ITGA7: variants seen among roughly 807,000 people sequenced by gnomAD.
ITGA7 encodes integrin subunit alpha 7.
ITGA7 carries 84 observed loss-of-function variants against 131.6 expected under a neutral mutation model. That is an observed-to-expected ratio of 0.64 (90% CI 0.54 to 0.77). The LOEUF is 0.77. Among genes scored for constraint, ITGA7 ranks in the 30% least tolerant of loss-of-function variants. The probability of loss-of-function intolerance (pLI) is 0.00; values close to 1 mark genes in which losing one functional copy is unlikely to be tolerated. For synonymous variants in ITGA7, 548 were observed against 600.7 expected (o/e 0.91, Z 1.28); for missense variants, 1,399 against 1,482.9 (o/e 0.94, Z 0.93).
At chr12:55,706,517 GAGAAAAGCCCCCT>G (rs1030516235) in intron 1 of ITGA7, among the ~76,000 whole-genome samples, 3 of 152,150 alleles carry the variant, frequency 2.0e-5, no homozygotes, top group Non-Finnish European at 4.4e-5. Context: ...TGGTTGAAGA[GAGAAAAGCCCCCT>G]AGCAGGAGCA....
At chr12:55,703,779 C>T (rs1332869620) in intron 1 of ITGA7, among the ~76,000 whole-genome samples, 1 of 152,192 alleles carries the variant, frequency 6.6e-6, no homozygotes, top group Non-Finnish European at 1.5e-5. Context: ...CCATCAGTCA[C>T]TCTGGCTGGC....
Position 55,688,288 on chromosome 12 carries a change from C to T in ITGA7, c.2971G>A (p.Val991Met), listed in dbSNP as rs1268555212. ...NSTFLEEYSA[V>M]KSLEVIVRAN... ...CGGACAATCACTTCCAGGGACTTCA[C>T]AGCTGAGTACTCCTAAGGGAACAGG... The change falls in exon 23 of 25, where the codon GTG becomes ATG. Residue 991 changes from valine (V) to methionine (M), a missense_variant. Physicochemically the swap from Val to Met is conservative, Grantham distance 21. Transcript: ENST00000257879. 6.2e-7 allele frequency: 1 copy of T among 1,613,492 alleles called. No homozygotes were observed. The highest frequency in any genetic ancestry group is 2.2e-5 in the East Asian group (1 of 44,876).
At chr12:55,696,027 C>T (rs1872556839) in intron 13 of ITGA7, among the ~76,000 whole-genome samples, 1 of 152,174 alleles carries the variant, frequency 6.6e-6, no homozygotes, top group African/African-American at 2.4e-5. Context: ...ATGAATGTGA[C>T]TTCAAGAGCT....
At chr12:55,689,777 T>G (rs1479120789) in intron 21 of ITGA7, among the ~76,000 whole-genome samples, 2 of 152,206 alleles carry the variant, frequency 1.3e-5, no homozygotes, top group African/African-American at 2.4e-5. Context: ...AACAGAGATA[T>G]AGATCAATGG....
intron 20 of ITGA7, 64 bp from the exon 21 acceptor site, chr12:55,693,039 T>A: frequency 6.2e-7 from 1 of 1,613,016 alleles, no homozygotes. Context: ...AGATCGAATC[T>A]CCTCCCCACC....
intron 22 of ITGA7, 126 bp downstream of exon 22, chr12:55,688,718 G>A (rs1191619563): frequency 4.5e-5 from 30 of 663,566 alleles, no homozygotes; most frequent in East Asian, 4.3e-4. Context: ...GGAAGACTCC[G>A]TCTCAAAAAA....
intron 14 of ITGA7, 29 bp downstream of exon 14, chr12:55,695,492 CA>C: frequency 2.5e-6 from 3 of 1,203,246 alleles, no homozygotes; most frequent in South Asian, 1.2e-5. Context: ...CTTGCCCTCC[CA>C]CCCCCACCCT....
intron 13 of ITGA7, 63 bp downstream of exon 13, chr12:55,696,220 G>C: frequency 6.6e-7 from 1 of 1,511,332 alleles, no homozygotes. Flanking sequence ...TGTCACTGGG[G>C]AGGGACCATG....
In ITGA7 at chr12:55,707,541, G is replaced by C; in HGVS notation, c.142C>G (p.Pro48Ala). Residue 48 changes from proline (P) to alanine (A), a missense_variant, in exon 1 of 25, where the codon CCA becomes GCA. Coordinates refer to ENST00000257879, the MANE Select transcript of ITGA7 (RefSeq NM_002206.3). ...ACAGAGAAGCCGAAGAGGCTGCCTG[G>C]CTCGCCCTCCTTGCGCAAGGCACCC... The part of the protein sequence containing the change: ...VMGALRKEGE[P>A]GSLFGFSVAL... 1 of 1,613,972 alleles carries C rather than the reference G, an allele frequency of 6.2e-7. No homozygotes were observed. Among genetic ancestry groups the C allele is most frequent in the Non-Finnish European group, 8.5e-7 (1 of 1,179,950 alleles).
intron 3 of ITGA7, among the ~76,000 whole-genome samples, chr12:55,701,860 C>T (rs761363274): frequency 6.6e-5 from 10 of 152,216 alleles, no homozygotes; most frequent in Non-Finnish European, 1.3e-4. Context: ...TCTCTCTACT[C>T]CTCCTTTGGA....
At position 55,699,900 on chromosome 12, in the gene ITGA7, C is replaced by T. The variant is rs778001361; in HGVS notation, c.760G>A (p.Ala254Thr). Residue 254 changes from alanine (A) to threonine (T), a missense_variant, in exon 5 of 25, where the codon GCC (alanine) becomes ACC (threonine). Ala to Thr is a moderately conservative substitution (Grantham distance 58). Coordinates refer to ENST00000257879, the MANE Select transcript of ITGA7 (RefSeq NM_002206.3). ...TAGCTATTGAGGGCCAAGTCTCCGG[C>T]TGGTCCTGGGAGCCGGTCAGCAGGG... is the stretch of plus-strand genomic sequence containing the variant. ...LDPADRLPGP[A>T]GDLALNSYLG... 3.7e-6 allele frequency: 6 copies of T among 1,612,608 alleles called. No individual in the cohort carries two copies. The South Asian group carries it at 6.6e-5, about 18-fold the overall frequency.
intron 24 of ITGA7, chr12:55,686,063 C>G: frequency 2.4e-6 from 1 of 408,866 alleles, no homozygotes; most frequent in Non-Finnish European, 4.6e-6. Context: ...TTCTAATTAC[C>G]TCTCACCTCA....
upstream of ITGA7, among the ~76,000 whole-genome samples, chr12:55,712,662 T>C (rs965974450): frequency 6.6e-6 from 1 of 152,174 alleles, no homozygotes; most frequent in Non-Finnish European, 1.5e-5. Flanking sequence ...CAGATAGATA[T>C]GTATGCGACT....
chr12:55,685,660 T>C (rs1036436474), intron 24 of ITGA7, among the ~76,000 whole-genome samples: 1 of 152,114 alleles, frequency 6.6e-6, no homozygotes, highest in Non-Finnish European at 1.5e-5. Context: ...AGGAAGAAAA[T>C]GGCTTCCTAG....
chr12:55,694,956 G>T lies in ITGA7; in HGVS notation c.2018C>A (p.Thr673Lys). 3 of 1,613,456 alleles carry T rather than the reference G, an allele frequency of 1.9e-6. No individual in the cohort carries two copies. The South Asian group carries it at 3.3e-5, about 18-fold the overall frequency. ...FQPLPMDVDG[T>K]TALFALSGQP... ...CCCACTCAGTGCAAACAGGGCTGTT[G>T]TTCCATCCACATCCCTGGAGAGTCA... The change falls in exon 15 of 25, where the codon ACA becomes AAA. Residue 673 changes from threonine (T) to lysine (K), a missense_variant. Physicochemically the swap from Thr to Lys is moderately conservative, Grantham distance 78. Coordinates refer to ENST00000257879, the MANE Select transcript of ITGA7 (RefSeq NM_002206.3). This position sits in a 1 kb window ranked among gnomAD's most constrained non-coding sequence, Gnocchi z 5.3.
In ITGA7 at chr12:55,703,169, C is replaced by T. The variant is rs760395974; in HGVS notation, c.216G>A (p.Val72=). ...LQPRPQSWLL[V]GAPQALALPG... The stretch of plus-strand genomic sequence containing the variant: ...GAAGAGCCAGGGCCTGGGGAGCACC[C>T]ACCAGCAGCCTGCAAGATGGGGCAG... Residue 72 remains valine, a synonymous_variant, in exon 2 of 25, where the codon GTG becomes GTA. Transcript: ENST00000257879. The T allele has an allele frequency of 1.9e-6, 3 of 1,610,176 alleles. No homozygotes were observed. Among genetic ancestry groups the T allele is most frequent in the Non-Finnish European group, 2.5e-6 (3 of 1,179,970 alleles).
At chr12:55,702,698 A>G in intron 3 of ITGA7, 174 bp downstream of exon 3, 1 of 658,518 alleles carries the variant, frequency 1.5e-6, no homozygotes, top group South Asian at 1.7e-5. Context: ...ACATTTTTAC[A>G]TTTATAAGGA....
upstream of ITGA7, among the ~76,000 whole-genome samples, chr12:55,713,831 C>G (rs1278110383): frequency 6.6e-6 from 1 of 152,206 alleles, no homozygotes; most frequent in Non-Finnish European, 1.5e-5. Flanking sequence ...GGATGCTATT[C>G]TGCAAATAGT....
chr12:55,686,739 T>C (rs569917281), intron 24 of ITGA7, among the ~76,000 whole-genome samples: 68 of 152,352 alleles, frequency 4.5e-4, no homozygotes, highest in Non-Finnish European at 8.1e-4. Context: ...CCAGTATGAT[T>C]CGGTATACAG....
Sources: allele counts gnomAD v4.1 joint callset (sites outside exome capture counted in the v4.1 genomes callset), GRCh38; gene constraint gnomAD v4.1.1; non-coding constraint Gnocchi (gnomAD v3.1); transcripts MANE v1.5; gene names NCBI Gene and HGNC (gene_info 2026-07-23, HGNC 2026-07-21).